The following LRRC37A2 variants were observed in gnomAD, a reference collection of about 807,000 sequenced individuals.
LRRC37A2 encodes the protein leucine-rich repeat-containing protein 37A2.
In LRRC37A2, 9 loss-of-function variants were observed where a neutral mutation model predicts 68.8. The ratio of observed to expected loss-of-function variants is 0.13; its 90% CI spans 0.08 to 0.23. The LOEUF (loss-of-function observed/expected upper bound fraction) is 0.23. Among genes scored for constraint, LRRC37A2 ranks in the 10% least tolerant of loss-of-function variants. LRRC37A2 has a pLI of 1.00. For missense variants in LRRC37A2, 168 were observed against 950.4 expected, an observed-to-expected ratio of 0.18 and a Z score of 10.82; for synonymous variants, 63 against 367.6, an observed-to-expected ratio of 0.17 and a Z score of 9.48.
chr17:46,974,260 C>G, the LRRC37A2 span, among the ~76,000 whole-genome samples: 2 of 152,362 alleles, frequency 1.3e-5, no homozygotes, highest in African/African-American at 2.4e-5. Context: ...GACGCTAGGT[C>G]TGCCATCCGT....
chr17:46,555,736 CATG>C, downstream of LRRC37A2: 1 of 323,020 alleles, frequency 3.1e-6, no homozygotes, highest in Non-Finnish European at 4.6e-6. Context: ...TTAGGGCAAA[CATG>C]ATGCAGACAA....
At chr17:46,794,088 G>A in the LRRC37A2 span, among the ~76,000 whole-genome samples, 1 of 152,286 alleles carries the variant, frequency 6.6e-6, no homozygotes, top group Non-Finnish European at 1.5e-5. Flanking sequence ...AGGTTAGCAA[G>A]GGGACAGCCA....
At chr17:46,559,065 G>C (rs1357597497), downstream of LRRC37A2, 2 of 79,036 alleles carry the variant, frequency 2.5e-5, no homozygotes, top group Admixed American at 1.3e-4. Flanking sequence ...TCTTCAGCTG[G>C]AGGTGAGCAG....
the LRRC37A2 span, among the ~76,000 whole-genome samples, chr17:46,996,881 T>C: frequency 6.6e-6 from 1 of 152,192 alleles, no homozygotes; most frequent in Non-Finnish European, 1.5e-5. Flanking sequence ...CTGGTGACAG[T>C]TCCTTCAGCC....
At chr17:46,708,906 C>G in the LRRC37A2 span, among the ~76,000 whole-genome samples, 5 of 147,544 alleles carry the variant, frequency 3.4e-5, no homozygotes, top group East Asian at 1.0e-3. Flanking sequence ...CTTACTGCAA[C>G]CTCCGCCTCC....
chr17:46,991,393 G>C, the LRRC37A2 span, among the ~76,000 whole-genome samples: 1 of 152,220 alleles, frequency 6.6e-6, no homozygotes, highest in South Asian at 2.1e-4. Context: ...TTGGGAGGCC[G>C]AGGTGGGTGG....
chr17:46,830,851 T>C, the LRRC37A2 span: 1 of 398,158 alleles, frequency 2.5e-6, no homozygotes. Flanking sequence ...CTGAGTATCC[T>C]CAAAGAAAAA....
At chr17:46,985,038 C>T in the LRRC37A2 span, among the ~76,000 whole-genome samples, 1 of 152,200 alleles carries the variant, frequency 6.6e-6, no homozygotes, top group Non-Finnish European at 1.5e-5. Context: ...GCAAAGGTAG[C>T]CTGCTGCCTG....
the LRRC37A2 span, among the ~76,000 whole-genome samples, chr17:46,403,168 AC>A: frequency 2.4e-4 from 1 of 4,094 alleles, no homozygotes; most frequent in African/African-American, 1.4e-3. Flanking sequence ...ACTACTTATA[AC>A]CTCCTCAGAA....
the LRRC37A2 span, among the ~76,000 whole-genome samples, chr17:46,919,867 A>G: frequency 2.2e-4 from 33 of 152,212 alleles, no homozygotes; most frequent in Middle Eastern, 3.4e-3. Context: ...GAATTGCTTG[A>G]ACCCAGGAGG....
chr17:46,899,238 AAAT>A, the LRRC37A2 span, among the ~76,000 whole-genome samples: 1 of 151,766 alleles, frequency 6.6e-6, no homozygotes, highest in African/African-American at 2.4e-5. Context: ...TAAAAATACA[AAAT>A]AATAATAATA....
chr17:46,914,743 G>T, the LRRC37A2 span, among the ~76,000 whole-genome samples: 1 of 151,762 alleles, frequency 6.6e-6, no homozygotes, highest in Non-Finnish European at 1.5e-5. Context: ...TGCCTCCTGG[G>T]TCTACCTATA....
At chr17:46,867,464 AG>A in the LRRC37A2 span, among the ~76,000 whole-genome samples, 7 of 152,328 alleles carry the variant, frequency 4.6e-5, no homozygotes, top group South Asian at 1.5e-3. Flanking sequence ...GTCACCTCGG[AG>A]TGAGTCAGAC....
chr17:46,498,772 A>T, the LRRC37A2 span, among the ~76,000 whole-genome samples: 44 of 148,384 alleles, frequency 3.0e-4, no homozygotes, highest in African/African-American at 1.1e-3. Context: ...GTATCTGGGA[A>T]AATTTAAAAA....
At chr17:46,966,080 G>T in the LRRC37A2 span, among the ~76,000 whole-genome samples, 1 of 151,966 alleles carries the variant, frequency 6.6e-6, no homozygotes, top group Admixed American at 6.6e-5. Flanking sequence ...TATGTCTAAC[G>T]ATGGATCATT....
At chr17:46,385,056 A>G in the LRRC37A2 span, among the ~76,000 whole-genome samples, 2 of 79,514 alleles carry the variant, frequency 2.5e-5, 1 homozygote, top group Non-Finnish European at 5.6e-5. Context: ...TGTGCTGACA[A>G]ATATTTTTGT....
chr17:46,879,091 A>G, the LRRC37A2 span, among the ~76,000 whole-genome samples: 1 of 152,224 alleles, frequency 6.6e-6, no homozygotes, highest in African/African-American at 2.4e-5. Context: ...TACCTCAAAT[A>G]TATAGTTTTT....
chr17:46,708,570 C>A, the LRRC37A2 span, among the ~76,000 whole-genome samples: 2 of 146,640 alleles, frequency 1.4e-5, no homozygotes, highest in Non-Finnish European at 3.0e-5. Flanking sequence ...CGGCTCACTG[C>A]AACCTCTGCC....
At chr17:46,750,573 T>C in the LRRC37A2 span, among the ~76,000 whole-genome samples, 3 of 152,170 alleles carry the variant, frequency 2.0e-5, no homozygotes, top group African/African-American at 7.2e-5. Context: ...GTACCTCCAG[T>C]TGTTTTCAGG....
Sources: allele counts gnomAD v4.1 joint callset (sites outside exome capture counted in the v4.1 genomes callset), GRCh38; gene constraint gnomAD v4.1.1; transcripts MANE v1.5; gene names NCBI Gene and HGNC (gene_info 2026-07-23, HGNC 2026-07-21).